The following GPR137B variants were observed in gnomAD, a reference collection of about 807,000 sequenced individuals.
GPR137B encodes the protein integral membrane protein GPR137B.
Under a neutral mutation model 42.5 loss-of-function variants are expected in GPR137B, and 42 were observed. The observed-to-expected ratio is 0.99, with a 90% confidence interval of 0.77 to 1.28. The LOEUF is 1.28. GPR137B is among the 50% of genes most tolerant of loss of function. The probability of loss-of-function intolerance (pLI) is 0.00; values close to 1 mark genes in which losing one functional copy is unlikely to be tolerated. For missense variants in GPR137B, 487 were observed against 493.9 expected (o/e 0.99, Z 0.13); for synonymous variants, 218 against 209.7 (o/e 1.04, Z -0.34).
At chr1:236,169,215 TACA>T (rs1558484925) in intron 2 of GPR137B, among the ~76,000 whole-genome samples, 27 of 136,422 alleles carry the variant, frequency 2.0e-4, no homozygotes, top group African/African-American at 9.6e-4. Flanking sequence ...CAGGTGCAGG[TACA>T]GGTACAGGTA....
At chr1:236,163,559 A>G (rs1019758280) in intron 1 of GPR137B, among the ~76,000 whole-genome samples, 2 of 152,130 alleles carry the variant, frequency 1.3e-5, no homozygotes, top group African/African-American at 2.4e-5. Context: ...GGGACCTGGG[A>G]GGAAGTAATT....
chr1:236,174,538 G>A (rs1467231978), intron 2 of GPR137B, among the ~76,000 whole-genome samples: 1 of 152,174 alleles, frequency 6.6e-6, no homozygotes, highest in Non-Finnish European at 1.5e-5. Flanking sequence ...GGCACAGGAG[G>A]CATGGATAGA....
At chr1:236,175,656 C>A (rs1172097817) in intron 2 of GPR137B, among the ~76,000 whole-genome samples, 4 of 152,250 alleles carry the variant, frequency 2.6e-5, no homozygotes, top group African/African-American at 9.6e-5. Flanking sequence ...GCCCATACCC[C>A]CCTCCCCTGA....
chr1:236,167,777 C>CT (rs1191022191), intron 1 of GPR137B, among the ~76,000 whole-genome samples: 49 of 152,278 alleles, frequency 3.2e-4, no homozygotes, highest in Admixed American at 3.1e-3. Flanking sequence ...TGAGCCCCTG[C>CT]TTGAATCTCC....
At chr1:236,161,773 C>T (rs910920564) in intron 1 of GPR137B, among the ~76,000 whole-genome samples, 18 of 152,084 alleles carry the variant, frequency 1.2e-4, no homozygotes, top group African/African-American at 2.9e-4. Flanking sequence ...CTCTTGCCGC[C>T]GCCATGTAAG....
chr1:236,188,713 C>T (rs935920749), intron 5 of GPR137B, among the ~76,000 whole-genome samples: 5 of 152,114 alleles, frequency 3.3e-5, no homozygotes, highest in African/African-American at 9.7e-5. Context: ...CTGCTGGATT[C>T]GGTTTGCCAG....
intron 1 of GPR137B, among the ~76,000 whole-genome samples, chr1:236,168,155 G>A (rs1662413574): frequency 6.6e-6 from 1 of 152,154 alleles, no homozygotes; most frequent in African/African-American, 2.4e-5. Flanking sequence ...GGCCGGGTGT[G>A]GTGGCTCACA....
chr1:236,142,864 TCCTC>T lies in GPR137B; in HGVS notation c.243_246del (p.Leu82PhefsTer49). The T allele has an allele frequency of 1.2e-6, 2 of 1,614,230 alleles. No homozygotes were observed. The highest frequency in any genetic ancestry group is 1.7e-6 in the Non-Finnish European group (2 of 1,180,042). On this transcript the variant is annotated frameshift_variant, in exon 1 of 7. Coordinates refer to ENST00000366592, the MANE Select transcript of GPR137B (RefSeq NM_003272.4). LOFTEE classifies it high-confidence loss of function. Reference sequence around the variant, plus strand: ...AAGCGGCTCAGCTACCAGAGCGTCTTCCTCTTTCTCTGCCTCTTCTGGGCCTCCC... The same window carrying T: ...AAGCGGCTCAGCTACCAGAGCGTCTTTTTCTCTGCCTCTTCTGGGCCTCCC...
intron 1 of GPR137B, among the ~76,000 whole-genome samples, chr1:236,163,279 A>G (rs1428130300): frequency 1.3e-5 from 2 of 152,170 alleles, no homozygotes; most frequent in Non-Finnish European, 2.9e-5. Flanking sequence ...TCTCCATTGT[A>G]TCTAGGAAGT....
chr1:236,177,193 G>A (rs113947663), intron 2 of GPR137B, among the ~76,000 whole-genome samples: 1 of 152,152 alleles, frequency 6.6e-6, no homozygotes, highest in Non-Finnish European at 1.5e-5. Flanking sequence ...CTGAGTAAGT[G>A]GGGGGTTGTT....
chr1:236,159,633 G>T (rs1359789563), intron 1 of GPR137B, among the ~76,000 whole-genome samples: 2 of 151,664 alleles, frequency 1.3e-5, no homozygotes, highest in Non-Finnish European at 2.9e-5. Flanking sequence ...AAAAAGAAAA[G>T]AAAAAAAATA....
rs543879008 is a variant in GPR137B at position 236,199,977 on chromosome 1, G to A, written c.967-5149G>A. On this transcript the variant is annotated intron_variant, in intron 5 of 6. Transcript: ENST00000366592. ...TATTTGTGCTCTTCCAGACTTTTTTGATGTAGGAATTTAATGCTGTCAACT... is the reference window on the plus strand; with the variant it reads ...TATTTGTGCTCTTCCAGACTTTTTTAATGTAGGAATTTAATGCTGTCAACT... Among the ~76,000 whole-genome samples the A allele has an allele frequency of 5.9e-5, 9 of 151,956 alleles. 1 individual carries two copies. The South Asian group carries it at 1.7e-3, about 28-fold the overall frequency.
At chr1:236,179,310 G>C (rs937687433) in intron 3 of GPR137B, among the ~76,000 whole-genome samples, 3 of 152,174 alleles carry the variant, frequency 2.0e-5, no homozygotes, top group African/African-American at 7.2e-5. Context: ...TCCATTTTGA[G>C]CCAGGGGTCT....
intron 2 of GPR137B, among the ~76,000 whole-genome samples, chr1:236,177,548 T>C: frequency 9.3e-6 from 1 of 107,018 alleles, no homozygotes; most frequent in East Asian, 5.0e-4. Context: ...TGTGGCAGTT[T>C]TTTGTTTTTG....
At chr1:236,167,892 C>G (rs1380401211) in intron 1 of GPR137B, among the ~76,000 whole-genome samples, 1 of 152,222 alleles carries the variant, frequency 6.6e-6, no homozygotes, top group Non-Finnish European at 1.5e-5. Flanking sequence ...CTGCCAGGCT[C>G]TCTGCCATCC....
rs1403928765 is a variant in GPR137B, at chr1:236,208,844, A to ATAAGT, written c.*688_*692dup. On this transcript the variant is annotated 3_prime_UTR_variant, in exon 7 of 7. Coordinates refer to ENST00000366592, the MANE Select transcript of GPR137B (RefSeq NM_003272.4). ...GGGCGCTAATGTATACACATTAATGATAAGTTGATAACATTAAAAATGTAG... is the reference window on the plus strand; with the variant it reads ...GGGCGCTAATGTATACACATTAATGATAAGTTAAGTTGATAACATTAAAAATGTAG... 11 of 981,038 alleles carry ATAAGT rather than the reference A, an allele frequency of 1.1e-5. No homozygotes were observed. In the Admixed American group the frequency reaches 5.5e-4, roughly 49 times the overall value. The allele number at this position is 981,038 out of a possible 1,614,324, so 60.8% of individuals were successfully genotyped here. A position where few individuals can be genotyped will look rare whatever the true frequency, so the allele number is the denominator to read the frequency against.
intron 1 of GPR137B, among the ~76,000 whole-genome samples, chr1:236,163,475 G>A (rs1051041457): frequency 6.6e-6 from 1 of 152,182 alleles, no homozygotes. Flanking sequence ...GGGATGGAAT[G>A]ATATGGTTTG....
At chr1:236,154,826 G>T (rs945427470) in intron 1 of GPR137B, among the ~76,000 whole-genome samples, 1 of 152,116 alleles carries the variant, frequency 6.6e-6, no homozygotes, top group African/African-American at 2.4e-5. Context: ...GCACACTGCC[G>T]CACGTGGCCC....
At chr1:236,168,023 T>G (rs57735732) in intron 1 of GPR137B, among the ~76,000 whole-genome samples, 1 of 152,228 alleles carries the variant, frequency 6.6e-6, no homozygotes, top group South Asian at 2.1e-4. Context: ...CAAAGATGTT[T>G]TGTTATTTTA....
Sources: allele counts gnomAD v4.1 joint callset (sites outside exome capture counted in the v4.1 genomes callset), GRCh38; gene constraint gnomAD v4.1.1; transcripts MANE v1.5; gene names NCBI Gene and HGNC (gene_info 2026-07-23, HGNC 2026-07-21).